MCF2L: variants seen among roughly 807,000 people sequenced by gnomAD.
MCF2L encodes guanine nucleotide exchange factor DBS.
Under a neutral mutation model 153.4 loss-of-function variants are expected in MCF2L, and 97 were observed. The ratio of observed to expected loss-of-function variants is 0.63; its 90% CI spans 0.54 to 0.75. MCF2L has a LOEUF of 0.75. Among genes scored for constraint, MCF2L ranks in the 30% least tolerant of loss-of-function variants. The pLI is 0.00. For synonymous variants in MCF2L, 659 were observed against 632.2 expected, an observed-to-expected ratio of 1.04 and a Z score of -0.64; for missense variants, 1,347 against 1,495.2, an observed-to-expected ratio of 0.90 and a Z score of 1.64.
Position 112,943,640 on chromosome 13 carries a change from G to T in MCF2L, c.169+41269G>T, listed in dbSNP as rs534684853. On this transcript the variant is annotated intron_variant, in intron 2 of 29. Transcript: ENST00000375608. This position sits in a 1 kb window ranked among gnomAD's most constrained non-coding sequence, Gnocchi z 4.2. The stretch of plus-strand genomic sequence containing the variant: ...GGAGGCGCGGGGGGCGGGACCTGCC[G>T]GCCAGTCCCTTACCCGGGGACAGAC... Among the ~76,000 whole-genome samples the T allele has an allele frequency of 9.6e-4, 146 of 152,260 alleles. No homozygotes were observed. The highest frequency in any genetic ancestry group is 3.3e-3 in the African/African-American group (138 of 41,570).
At position 113,087,216 on chromosome 13, in the gene MCF2L, C is replaced by G; in HGVS notation, c.2374-19C>G. ...AGGCCCATCCCGTCCTGAACACAGC[C>G]CTGCTGTCGCACATTTAGGGGAATC... is the stretch of plus-strand genomic sequence containing the variant. On this transcript the variant is annotated intron_variant, in intron 21 of 29. Transcript: ENST00000535094. 6.2e-7 allele frequency: 1 copy of G among 1,605,186 alleles called. No homozygotes were observed. The highest frequency in any genetic ancestry group is 8.5e-7 in the Non-Finnish European group (1 of 1,175,146).
In MCF2L at chr13:112,993,222, C is replaced by T. The variant is rs2140988596; in HGVS notation, c.80-21541C>T. On this transcript the variant is annotated intron_variant, in intron 1 of 29. Coordinates refer to ENST00000535094, the MANE Select transcript of MCF2L (RefSeq NM_001112732.3). The surrounding 1 kb of genome is among the most constrained non-coding windows in gnomAD (Gnocchi z 4.6). The stretch of plus-strand genomic sequence containing the variant: ...GGTGATGGAGACACGATGGCACAGC[C>T]CCGGTGAAGCCACGTGATGTCTTCG... Among the ~76,000 whole-genome samples the T allele has an allele frequency of 6.6e-6, 1 of 152,298 alleles. No homozygotes were observed. Among genetic ancestry groups the T allele is most frequent in the African/African-American group, 2.4e-5 (1 of 41,566 alleles).
At chr13:112,999,320 G>A (rs751626539) in intron 1 of MCF2L, among the ~76,000 whole-genome samples, 4 of 152,092 alleles carry the variant, frequency 2.6e-5, no homozygotes, top group Non-Finnish European at 5.9e-5. Flanking sequence ...CAGGAGAGAC[G>A]CACAGAAGAG....
intron 3 of MCF2L, chr13:113,040,965 A>G (rs2086449440): frequency 6.6e-6 from 1 of 152,104 alleles, no homozygotes; most frequent in African/African-American, 2.4e-5. Flanking sequence ...CATTCCTGAA[A>G]CTTTATGAGA....
chr13:113,032,771 T>C (rs1324904564), intron 3 of MCF2L, among the ~76,000 whole-genome samples: 3 of 152,206 alleles, frequency 2.0e-5, no homozygotes, highest in Non-Finnish European at 4.4e-5. Context: ...AGTCTCACCA[T>C]GTTACCCAGG....
In MCF2L at chr13:112,969,578, C is replaced by T; in HGVS notation, c.79+120C>T. ...TCGTGTTCCTTTCTAGCCGTGGTAGCTGTGACATGGGGGGCACTGGTTGGC... is the reference window on the plus strand; with the variant it reads ...TCGTGTTCCTTTCTAGCCGTGGTAGTTGTGACATGGGGGGCACTGGTTGGC... On this transcript the variant is annotated intron_variant, in intron 1 of 29. Coordinates refer to ENST00000535094, the MANE Select transcript of MCF2L (RefSeq NM_001112732.3). This position sits in a 1 kb window ranked among gnomAD's most constrained non-coding sequence, Gnocchi z 4.8. 2.7e-6 allele frequency: 4 copies of T among 1,490,320 alleles called. No individual in the cohort carries two copies. The East Asian group carries it at 7.7e-5, about 29-fold the overall frequency. The allele number at this position is 1,490,320 out of a possible 1,614,324, so 92.3% of individuals were successfully genotyped here.
intron 2 of MCF2L, chr13:112,957,036 C>A (rs935328426): frequency 6.6e-6 from 1 of 152,136 alleles, no homozygotes; most frequent in African/African-American, 2.4e-5. Context: ...TACTGCGTGT[C>A]GTTCTTGTGA....
In MCF2L at chr13:112,977,469, T is replaced by C. The variant is rs2082256047; in HGVS notation, c.79+8011T>C. ...CGCTGAAGCCAAAGCTTGTATGAGCTACATATAAGAAGAAATCAGCAGATC... is the reference window on the plus strand; with the variant it reads ...CGCTGAAGCCAAAGCTTGTATGAGCCACATATAAGAAGAAATCAGCAGATC... On this transcript the variant is annotated intron_variant, in intron 1 of 29. Coordinates refer to ENST00000535094, the MANE Select transcript of MCF2L (RefSeq NM_001112732.3). 2.6e-5 allele frequency among the ~76,000 whole-genome samples: 4 copies of C among 152,220 alleles called. No individual in the cohort carries two copies. In the South Asian group the frequency reaches 8.3e-4, roughly 32 times the overall value.
chr13:112,913,867 C>A (rs2081261667), intron 2 of MCF2L, among the ~76,000 whole-genome samples: 1 of 152,196 alleles, frequency 6.6e-6, no homozygotes, highest in South Asian at 2.1e-4. Context: ...ACAGCTCTGT[C>A]TTCTCAGCAC....
In MCF2L at chr13:113,064,892, G is replaced by T; in HGVS notation, c.607-44G>T. ...CTGCTTTCAGGGCAGCAGGAGGTGG[G>T]TGCAGTGCACAAGGCATGCAATTGT... On this transcript the variant is annotated intron_variant, in intron 6 of 29. Coordinates refer to ENST00000535094, the MANE Select transcript of MCF2L (RefSeq NM_001112732.3). This position sits in a 1 kb window ranked among gnomAD's most constrained non-coding sequence, Gnocchi z 6.0. 1 of 1,581,068 alleles carries T rather than the reference G, an allele frequency of 6.3e-7. No individual in the cohort carries two copies. The highest frequency in any genetic ancestry group is 8.6e-7 in the Non-Finnish European group (1 of 1,161,256).
rs372368721 is a variant in MCF2L at position 112,933,164 on chromosome 13, C to G, written c.169+30793C>G. ...GGGAGACCCACAGCCTCCTGGAGGT[C>G]CGGGCGCTGGCCCCGCAGGGGTTGG... On this transcript the variant is annotated intron_variant, in intron 2 of 29. Transcript: ENST00000375608. 3.3e-5 allele frequency among the ~76,000 whole-genome samples: 5 copies of G among 152,338 alleles called. No homozygotes were observed. The East Asian group carries it at 9.6e-4, about 29-fold the overall frequency.
At chr13:112,901,440 C>T (rs2081118612) in intron 1 of MCF2L, among the ~76,000 whole-genome samples, 1 of 152,226 alleles carries the variant, frequency 6.6e-6, no homozygotes, top group South Asian at 2.1e-4. Flanking sequence ...AGGCGTGAGC[C>T]ACAATACGGT....
intron 27 of MCF2L, 191 bp downstream of exon 27, chr13:113,094,826 C>A: frequency 9.3e-7 from 1 of 1,069,908 alleles, no homozygotes; most frequent in Non-Finnish European, 1.4e-6. Flanking sequence ...AAGGTCCACC[C>A]AGACCTGGGT....
At chr13:113,092,911 A>T (rs1197245622) in intron 26 of MCF2L, among the ~76,000 whole-genome samples, 2 of 152,258 alleles carry the variant, frequency 1.3e-5, no homozygotes, top group Non-Finnish European at 2.9e-5. Context: ...CCAGGGGCAG[A>T]GTCGCTTGGG....
chr13:112,903,610 T>G (rs2081140498), intron 2 of MCF2L, among the ~76,000 whole-genome samples: 1 of 152,178 alleles, frequency 6.6e-6, no homozygotes, highest in Non-Finnish European at 1.5e-5. Flanking sequence ...TAGAGCTGGC[T>G]GGCTGGGGGG....
chr13:112,995,577 G>A (rs558954205), intron 1 of MCF2L, among the ~76,000 whole-genome samples: 3 of 152,170 alleles, frequency 2.0e-5, no homozygotes, highest in Admixed American at 1.3e-4. Flanking sequence ...GTGAGCCTGC[G>A]GCGTTGTGGC....
intron 1 of MCF2L, among the ~76,000 whole-genome samples, chr13:113,005,293 C>T (rs918680138): frequency 2.4e-4 from 36 of 152,314 alleles, no homozygotes; most frequent in African/African-American, 7.9e-4. Context: ...CGGCCCCACT[C>T]GTGTGGGGTG....
chr13:113,076,608 A>C (rs1393865591), intron 12 of MCF2L, among the ~76,000 whole-genome samples: 1 of 152,254 alleles, frequency 6.6e-6, no homozygotes, highest in Non-Finnish European at 1.5e-5. Context: ...TGAGAGAAAC[A>C]CACAGTTGGG....
intron 2 of MCF2L, among the ~76,000 whole-genome samples, chr13:112,942,786 GTGGT>G (rs1324690260): frequency 1.3e-5 from 2 of 152,330 alleles, no homozygotes; most frequent in South Asian, 2.1e-4. Flanking sequence ...ATCTCTTGAT[GTGGT>G]TCTGCTCCCC....
Sources: allele counts gnomAD v4.1 joint callset (sites outside exome capture counted in the v4.1 genomes callset), GRCh38; gene constraint gnomAD v4.1.1; non-coding constraint Gnocchi (gnomAD v3.1); transcripts MANE v1.5; gene names NCBI Gene and HGNC (gene_info 2026-07-23, HGNC 2026-07-21).